The following HNF1B variants were observed in gnomAD, a reference collection of about 807,000 sequenced individuals.
The protein encoded by HNF1B is HNF1 homeobox B, also known as hepatocyte nuclear factor 1-beta.
HNF1B carries 8 observed loss-of-function variants against 61.7 expected under a neutral mutation model. The observed-to-expected ratio is 0.13, with a 90% CI of 0.08 to 0.23. The LOEUF is 0.23. Ranked by LOEUF, HNF1B falls within the 10% of genes least tolerant of loss-of-function variation. HNF1B has a pLI of 1.00. For synonymous variants in HNF1B, 314 were observed against 287.7 expected, an observed-to-expected ratio of 1.09 and a Z score of -0.93; for missense variants, 562 against 714.5, an observed-to-expected ratio of 0.79 and a Z score of 2.43.
intron 1 of HNF1B, among the ~76,000 whole-genome samples, chr17:37,742,266 C>A (rs1296781565): frequency 6.6e-6 from 1 of 152,252 alleles, no homozygotes; most frequent in Non-Finnish European, 1.5e-5. Flanking sequence ...TTCTAGACGC[C>A]CCCGGCGCAC....
At chr17:37,715,725 G>A (rs1437711100) in intron 4 of HNF1B, among the ~76,000 whole-genome samples, 1 of 152,146 alleles carries the variant, frequency 6.6e-6, no homozygotes. Flanking sequence ...CACTTCTGAT[G>A]CCCACTTCCC....
At chr17:37,723,397 G>A (rs2033389168) in intron 4 of HNF1B, among the ~76,000 whole-genome samples, 1 of 152,048 alleles carries the variant, frequency 6.6e-6, no homozygotes, top group Admixed American at 6.6e-5. Context: ...GTTAGTTACA[G>A]GAAATTCATG....
chr17:37,699,230 T>C (rs190301281), intron 7 of HNF1B, 36 bp from the exon 8 acceptor site: 458 of 1,525,798 alleles, frequency 3.0e-4, no homozygotes, highest in Admixed American at 1.0e-3. Context: ...TCAAGGTGCA[T>C]ACACAGGCAA....
intron 1 of HNF1B, among the ~76,000 whole-genome samples, chr17:37,742,724 C>T (rs1364858814): frequency 6.6e-6 from 1 of 151,184 alleles, no homozygotes; most frequent in Non-Finnish European, 1.5e-5. Context: ...GGTCTAAGGA[C>T]CCTGGGCCGG....
At chr17:37,738,116 G>A (rs995130400) in intron 2 of HNF1B, among the ~76,000 whole-genome samples, 2 of 152,204 alleles carry the variant, frequency 1.3e-5, no homozygotes, top group African/African-American at 4.8e-5. Context: ...AATGGCTCCT[G>A]AGAATTTTTT....
chr17:37,696,566 G>C (rs2032392710), intron 8 of HNF1B, among the ~76,000 whole-genome samples: 1 of 152,192 alleles, frequency 6.6e-6, no homozygotes, highest in Non-Finnish European at 1.5e-5. Context: ...TAAACCTTCT[G>C]AGGTCTTCAG....
rs757872420 is a variant in HNF1B at position 37,744,907 on chromosome 17, G to T, written c.-23C>A. On this transcript the variant is annotated 5_prime_UTR_variant, in exon 1 of 9. Transcript: ENST00000617811. ...CATTTTCCAAGGACGGAAAAAGAAGGGGGTGAGGGGGTGGGTGGGTGCGAG... is the reference window on the plus strand; with the variant it reads ...CATTTTCCAAGGACGGAAAAAGAAGTGGGTGAGGGGGTGGGTGGGTGCGAG... The T allele has an allele frequency of 1.3e-6, 2 of 1,535,380 alleles. No homozygotes were observed. Among genetic ancestry groups the T allele is most frequent in the Non-Finnish European group, 1.8e-6 (2 of 1,110,964 alleles).
intron 6 of HNF1B, among the ~76,000 whole-genome samples, chr17:37,702,029 G>T (rs1266333700): frequency 6.6e-6 from 1 of 152,170 alleles, no homozygotes; most frequent in East Asian, 1.9e-4. Flanking sequence ...TCTCCTCCCT[G>T]AGAGCGACAC....
At chr17:37,740,254 C>A (rs1231089449) in intron 1 of HNF1B, among the ~76,000 whole-genome samples, 1 of 152,162 alleles carries the variant, frequency 6.6e-6, no homozygotes, top group African/African-American at 2.4e-5. Context: ...CAGACGTGAG[C>A]CACCGCGCCT....
chr17:37,733,420 G>A, intron 3 of HNF1B, 137 bp downstream of exon 3: 1 of 995,566 alleles, frequency 1.0e-6, no homozygotes, highest in African/African-American at 1.6e-5. Flanking sequence ...TTGGGGTTCT[G>A]TGGAACATAC....
intron 2 of HNF1B, among the ~76,000 whole-genome samples, 169 bp downstream of exon 2, chr17:37,739,271 A>T (rs1462318136): frequency 6.6e-6 from 1 of 152,182 alleles, no homozygotes; most frequent in African/African-American, 2.4e-5. Flanking sequence ...ACATGACAGA[A>T]GCCAATCCAT....
chr17:37,733,548 T>A lies in HNF1B; in HGVS notation c.809+9A>T. On this transcript the variant is annotated intron_variant, in intron 3 of 8. Transcript: ENST00000617811. ...CCCACCTGCCCAGGTGAGCTTCTGG[T>A]GGTGTTACCTGTTGCATTCCTCCAC... The A allele has an allele frequency of 1.2e-6, 2 of 1,614,164 alleles. No individual in the cohort carries two copies. The highest frequency in any genetic ancestry group is 1.7e-6 in the Non-Finnish European group (2 of 1,180,022).
Position 37,745,010 on chromosome 17 carries a change from T to G in HNF1B, c.-126A>C. ...CCACCCTTCAGCCTCCAGACACCTG[T>G]TACTCCCCGGGGTCCCGGAGGCTCC... On this transcript the variant is annotated 5_prime_UTR_variant, in exon 1 of 9. Coordinates refer to ENST00000617811, the MANE Select transcript of HNF1B (RefSeq NM_000458.4). 1 of 806,540 alleles carries G rather than the reference T, an allele frequency of 1.2e-6. No individual in the cohort carries two copies. Among genetic ancestry groups the G allele is most frequent in the East Asian group, 2.7e-5 (1 of 37,450 alleles). 50.0% of individuals were successfully genotyped at this position (806,540 alleles called of 1,614,324 possible).
chr17:37,722,286 A>G (rs926197676), intron 4 of HNF1B, among the ~76,000 whole-genome samples: 3 of 152,204 alleles, frequency 2.0e-5, no homozygotes, highest in East Asian at 1.9e-4. Flanking sequence ...AGTCAATTCA[A>G]TAATACTGTA....
intron 8 of HNF1B, among the ~76,000 whole-genome samples, 169 bp from the exon 9 acceptor site, chr17:37,687,561 A>G (rs767785605): frequency 6.6e-6 from 1 of 152,090 alleles, no homozygotes; most frequent in Non-Finnish European, 1.5e-5. Context: ...ATGCTGAGGC[A>G]CACTTCCTGC....
intron 1 of HNF1B, among the ~76,000 whole-genome samples, chr17:37,741,103 A>C (rs900105977): frequency 6.6e-6 from 1 of 152,214 alleles, no homozygotes; most frequent in Non-Finnish European, 1.5e-5. Flanking sequence ...AAAAAACGGA[A>C]GGGAAAACTA....
intron 4 of HNF1B, chr17:37,720,696 C>G (rs891763681): frequency 1.4e-6 from 1 of 712,098 alleles, no homozygotes; most frequent in African/African-American, 1.9e-5. Flanking sequence ...GTGCCAGGCA[C>G]AGGGCTATGG....
intron 4 of HNF1B, among the ~76,000 whole-genome samples, chr17:37,713,030 C>G (rs990211597): frequency 2.0e-5 from 3 of 152,184 alleles, no homozygotes; most frequent in Admixed American, 6.5e-5. Context: ...CTGGAAGCAA[C>G]CTGGGAGAGA....
At position 37,733,456 on chromosome 17, in the gene HNF1B, C is replaced by T. The variant is rs937007051; in HGVS notation, c.809+101G>A. The T allele has an allele frequency of 9.6e-6, 13 of 1,352,458 alleles. No individual in the cohort carries two copies. In the African/African-American group the frequency reaches 1.7e-4, roughly 18 times the overall value. The allele number at this position is 1,352,458 out of a possible 1,614,324, so 83.8% of individuals were successfully genotyped here. A position where few individuals can be genotyped will look rare whatever the true frequency, so the allele number is the denominator to read the frequency against. On this transcript the variant is annotated intron_variant, in intron 3 of 8. Coordinates refer to ENST00000617811, the MANE Select transcript of HNF1B (RefSeq NM_000458.4). ...TTTGAGAAGCTCTGATTTAGCCACA[C>T]TTATCTGTATAACTAGTGTCTCAAT...
Sources: gnomAD v4.1 joint callset for allele counts (sites outside exome capture counted in the v4.1 genomes callset) on GRCh38, gnomAD v4.1.1 for gene constraint, MANE v1.5 for transcripts, NCBI Gene and HGNC (gene_info 2026-07-23, HGNC 2026-07-21) for gene names.